Variants in THSD4 observed in about 807,000 individuals in gnomAD.
THSD4 encodes thrombospondin type-1 domain-containing protein 4.
THSD4 carries 69 observed loss-of-function variants against 119.0 expected under a neutral mutation model. The observed-to-expected ratio is 0.58, with a 90% CI of 0.48 to 0.71. THSD4 has a LOEUF of 0.71. THSD4 is among the 30% of genes least tolerant of loss of function. The pLI is 0.00. For synonymous variants in THSD4, 524 were observed against 540.4 expected, an observed-to-expected ratio of 0.97 and a Z score of 0.42; for missense variants, 1,393 against 1,391.1, an observed-to-expected ratio of 1.00 and a Z score of -0.02.
chr15:71,122,709 T>A lies in THSD4; in HGVS notation c.-80+7011T>A, dbSNP rs4777331. Among the ~76,000 whole-genome samples the A allele has an allele frequency of 3.3e-5, 5 of 152,148 alleles. No homozygotes were observed. In the South Asian group the frequency reaches 1.0e-3, roughly 32 times the overall value. On this transcript the variant is annotated intron_variant, in intron 1 of 17. Transcript: ENST00000261862. ...ATTTTTTAAAGCACAATGATGCTTT[T>A]CATCATTTTGCTCCATCACGGTTTC...
intron 7 of THSD4, among the ~76,000 whole-genome samples, chr15:71,450,331 G>A (rs768658859): frequency 8.8e-4 from 134 of 151,586 alleles, no homozygotes; most frequent in Middle Eastern, 3.4e-3. Context: ...GAATAATGCA[G>A]GCAATTGAAG....
intron 11 of THSD4, chr15:71,738,212 C>T (rs1187041664): frequency 1.6e-6 from 1 of 643,578 alleles, no homozygotes. Context: ...GTTAGAGTCT[C>T]ATAAGGAGCA....
intron 8 of THSD4, among the ~76,000 whole-genome samples, chr15:71,714,536 T>G (rs1239695060): frequency 6.6e-6 from 1 of 152,210 alleles, no homozygotes; most frequent in Non-Finnish European, 1.5e-5. Context: ...AGTTTTGCCT[T>G]GGCATTTTCT....
intron 7 of THSD4, among the ~76,000 whole-genome samples, chr15:71,640,044 G>A (rs912244373): frequency 1.3e-5 from 2 of 152,032 alleles, no homozygotes; most frequent in African/African-American, 2.4e-5. Flanking sequence ...AGTATTGGGG[G>A]CTTATTGGAA....
intron 6 of THSD4, among the ~76,000 whole-genome samples, chr15:71,291,725 A>G (rs1449475226): frequency 1.3e-5 from 2 of 152,218 alleles, no homozygotes; most frequent in Admixed American, 6.5e-5. Context: ...TGGGCACCCT[A>G]TGACCCAGTG....
At chr15:71,632,273 C>T (rs2050646038) in intron 7 of THSD4, among the ~76,000 whole-genome samples, 2 of 152,144 alleles carry the variant, frequency 1.3e-5, no homozygotes, top group Admixed American at 1.3e-4. Flanking sequence ...TTCTGTACCA[C>T]CAGTCACCCT....
intron 8 of THSD4, among the ~76,000 whole-genome samples, chr15:71,721,333 C>T (rs774910124): frequency 1.3e-5 from 2 of 152,250 alleles, no homozygotes; most frequent in South Asian, 4.1e-4. Flanking sequence ...ATGGTGAAAC[C>T]CTGTTTCTAC....
intron 3 of THSD4, among the ~76,000 whole-genome samples, chr15:71,193,856 G>A (rs1450239372): frequency 1.2e-4 from 18 of 152,022 alleles, no homozygotes; most frequent in South Asian, 4.1e-4. Context: ...GACTACAGGC[G>A]CCCGCCGCCA....
chr15:71,442,908 C>CCATAAG (rs2140562158), intron 7 of THSD4, among the ~76,000 whole-genome samples: 1 of 151,332 alleles, frequency 6.6e-6, no homozygotes, highest in South Asian at 2.1e-4. Flanking sequence ...TTTCCAGTCC[C>CCATAAG]CATAGTCCCT....
At chr15:71,495,169 T>C in intron 7 of THSD4, among the ~76,000 whole-genome samples, 1 of 152,202 alleles carries the variant, frequency 6.6e-6, no homozygotes, top group East Asian at 1.9e-4. Context: ...AGTTGACAAC[T>C]GCCAATAGCA....
chr15:71,659,000 T>C (rs1050727256), intron 7 of THSD4, among the ~76,000 whole-genome samples: 15 of 152,204 alleles, frequency 9.9e-5, no homozygotes, highest in Non-Finnish European at 1.6e-4. Flanking sequence ...ATTTGACCTA[T>C]AGGACCTACC....
chr15:71,259,770 G>C (rs2044368092), intron 6 of THSD4, among the ~76,000 whole-genome samples: 1 of 152,186 alleles, frequency 6.6e-6, no homozygotes, highest in Non-Finnish European at 1.5e-5. Context: ...TCATCTAAGA[G>C]GGGATGACTC....
intron 7 of THSD4, among the ~76,000 whole-genome samples, chr15:71,413,369 C>T (rs987112320): frequency 1.3e-5 from 2 of 152,180 alleles, no homozygotes; most frequent in African/African-American, 2.4e-5. Flanking sequence ...TATAGTCACC[C>T]TATTGTGCTA....
At chr15:71,376,129 GAATT>G (rs983588066) in intron 6 of THSD4, among the ~76,000 whole-genome samples, 1 of 152,178 alleles carries the variant, frequency 6.6e-6, no homozygotes, top group African/African-American at 2.4e-5. Flanking sequence ...AAGAGTGCCA[GAATT>G]GATTAGTAAT....
intron 6 of THSD4, among the ~76,000 whole-genome samples, chr15:71,377,382 A>G (rs995655688): frequency 7.2e-5 from 11 of 152,248 alleles, no homozygotes; most frequent in Middle Eastern, 3.4e-3. Context: ...GGTGTTCCCC[A>G]TCCTAGGAGA....
At chr15:71,149,017 TC>T (rs1372858910) in intron 2 of THSD4, among the ~76,000 whole-genome samples, 1 of 151,282 alleles carries the variant, frequency 6.6e-6, no homozygotes, top group Non-Finnish European at 1.5e-5. Context: ...TGGTAACCCA[TC>T]CCCCTTCCTT....
chr15:71,328,539 C>T (rs562582729), intron 6 of THSD4, among the ~76,000 whole-genome samples: 48 of 152,294 alleles, frequency 3.2e-4, no homozygotes, highest in Non-Finnish European at 5.9e-4. Context: ...TTCCAGGCTT[C>T]AGAGATAGAA....
chr15:71,410,876 T>TACACAC (rs147641169), intron 6 of THSD4, among the ~76,000 whole-genome samples: 3 of 150,458 alleles, frequency 2.0e-5, no homozygotes, highest in East Asian at 1.9e-4. Flanking sequence ...TACTAAAAAA[T>TACACAC]ACACACACAC....
intron 5 of THSD4, 124 bp from the exon 6 acceptor site, chr15:71,256,488 AT>A (rs1477271430): frequency 5.8e-5 from 34 of 588,494 alleles, no homozygotes; most frequent in South Asian, 1.9e-4. Context: ...AAAAAAAAAA[AT>A]AAATAAATAA....
Sources: allele counts gnomAD v4.1 joint callset (sites outside exome capture counted in the v4.1 genomes callset), GRCh38; gene constraint gnomAD v4.1.1; transcripts MANE v1.5; gene names NCBI Gene and HGNC (gene_info 2026-07-23, HGNC 2026-07-21).